The following CMIP variants were observed in gnomAD, a reference collection of about 807,000 sequenced individuals.
CMIP encodes C-Maf-inducing protein.
CMIP carries 13 observed loss-of-function variants against 97.3 expected under a neutral mutation model. The observed-to-expected ratio is 0.13, with a 90% CI of 0.09 to 0.21. The LOEUF (loss-of-function observed/expected upper bound fraction) is 0.21. Ranked by LOEUF, CMIP falls within the 10% of genes least tolerant of loss-of-function variation. The pLI, the probability that CMIP is intolerant of heterozygous loss-of-function variation, is 1.00. For synonymous variants in CMIP, 538 were observed against 436.3 expected, an observed-to-expected ratio of 1.23 and a Z score of -2.91; for missense variants, 847 against 1,024.9, an observed-to-expected ratio of 0.83 and a Z score of 2.37.
intron 5 of CMIP, 50 bp downstream of exon 5, chr16:81,657,866 C>G (rs1321956994): frequency 1.1e-5 from 16 of 1,470,268 alleles, no homozygotes; most frequent in Non-Finnish European, 1.5e-5. Context: ...CCTCCTGGAG[C>G]CTACAACCCT....
At chr16:81,632,595 G>A (rs1292192606) in intron 3 of CMIP, among the ~76,000 whole-genome samples, 2 of 152,214 alleles carry the variant, frequency 1.3e-5, no homozygotes, top group Admixed American at 1.3e-4. Flanking sequence ...TGACAGGAAG[G>A]AGAGGTTTAT....
chr16:81,576,733 C>A lies in CMIP; in HGVS notation c.301-30834C>A, dbSNP rs543464336. Among the ~76,000 whole-genome samples, 300 of 152,262 alleles carry A rather than the reference C, an allele frequency of 2.0e-3. 1 individual carries two copies. Among genetic ancestry groups the A allele is most frequent in the African/African-American group, 6.5e-3 (268 of 41,542 alleles). On this transcript the variant is annotated intron_variant, in intron 1 of 20. Transcript: ENST00000537098. ...AGAACAGTGCTGAAGAACACAGGGT[C>A]TAGAGTTAGGCAGATCCAGGTGTGA...
chr16:81,654,252 A>G (rs572677997), intron 4 of CMIP, among the ~76,000 whole-genome samples: 1 of 151,866 alleles, frequency 6.6e-6, no homozygotes, highest in South Asian at 2.1e-4. Flanking sequence ...TATTATTATT[A>G]TTAACAATGG....
At chr16:81,523,479 A>G (rs1052556065) in intron 1 of CMIP, among the ~76,000 whole-genome samples, 1 of 152,118 alleles carries the variant, frequency 6.6e-6, no homozygotes, top group African/African-American at 2.4e-5. Flanking sequence ...CTCCCAGCAC[A>G]TTTTGGTTGG....
chr16:81,561,739 C>T (rs563120639), intron 1 of CMIP, among the ~76,000 whole-genome samples: 16 of 152,312 alleles, frequency 1.1e-4, no homozygotes, highest in Admixed American at 9.1e-4. Context: ...TCTAAACCTC[C>T]AGTCTAGTAG....
intron 1 of CMIP, among the ~76,000 whole-genome samples, chr16:81,471,568 C>A (rs62043928): frequency 0.071 from 10,718 of 150,434 alleles, 448 homozygotes; most frequent in South Asian, 0.2. Flanking sequence ...CACACACATG[C>A]ATACACAAAT....
intron 1 of CMIP, among the ~76,000 whole-genome samples, chr16:81,558,588 G>GAGACAGCCTGGCTTGGAGTGAGC (rs2090815237): frequency 6.6e-6 from 1 of 152,202 alleles, no homozygotes; most frequent in African/African-American, 2.4e-5. Flanking sequence ...TGCCCAGGTG[G>GAGACAGCCTGGCTTGGAGTGAGC]AGACAGCCTG....
intron 1 of CMIP, among the ~76,000 whole-genome samples, chr16:81,527,553 A>G (rs1290327408): frequency 6.6e-6 from 1 of 152,148 alleles, no homozygotes; most frequent in East Asian, 1.9e-4. Flanking sequence ...TATCAGTTGG[A>G]TTTTGTTTCT....
intron 3 of CMIP, chr16:81,645,860 C>T: frequency 1.8e-6 from 1 of 544,086 alleles, no homozygotes; most frequent in Non-Finnish European, 3.3e-6. Flanking sequence ...GAAATAGTCA[C>T]AGCAAGCCTT....
intron 1 of CMIP, among the ~76,000 whole-genome samples, chr16:81,490,948 A>G (rs1597471489): frequency 6.6e-6 from 1 of 152,072 alleles, no homozygotes; most frequent in South Asian, 2.1e-4. Context: ...GTGTAATGCC[A>G]GTTTTTCTCC....
intron 8 of CMIP, among the ~76,000 whole-genome samples, chr16:81,670,692 C>T (rs1236521286): frequency 6.7e-6 from 1 of 149,230 alleles, no homozygotes; most frequent in African/African-American, 2.5e-5. Flanking sequence ...GTTTCCTCAT[C>T]TGTCACACAA....
At chr16:81,452,652 G>A (rs1048344144) in intron 1 of CMIP, among the ~76,000 whole-genome samples, 4 of 152,122 alleles carry the variant, frequency 2.6e-5, no homozygotes, top group Non-Finnish European at 5.9e-5. Flanking sequence ...CAAAGGCCCT[G>A]AGGGAGGAGA....
intron 1 of CMIP, among the ~76,000 whole-genome samples, chr16:81,448,877 C>G (rs1415298496): frequency 6.6e-6 from 1 of 152,218 alleles, no homozygotes; most frequent in African/African-American, 2.4e-5. Context: ...TGCCCCATTC[C>G]CTCTTTGTAC....
chr16:81,656,099 G>A (rs776255059), intron 4 of CMIP, among the ~76,000 whole-genome samples: 16 of 152,172 alleles, frequency 1.1e-4, no homozygotes, highest in Admixed American at 3.9e-4. Context: ...CCTTTCACAT[G>A]CCTGCATTCT....
rs2092083394 is a variant in CMIP at position 81,627,107 on chromosome 16, G to T, written c.477+6181G>T. ...GTGGTGTGTGGGGGTGACTGTGAGAGTGTGTGTGTGGTGTGTGTGTGGCAT... is the reference window on the plus strand; with the variant it reads ...GTGGTGTGTGGGGGTGACTGTGAGATTGTGTGTGTGGTGTGTGTGTGGCAT... On this transcript the variant is annotated intron_variant, in intron 3 of 20. Coordinates refer to ENST00000537098, the MANE Select transcript of CMIP (RefSeq NM_198390.3). The surrounding 1 kb of genome is among the most constrained non-coding windows in gnomAD (Gnocchi z 4.6). Among the ~76,000 whole-genome samples, 1 of 148,996 alleles carries T rather than the reference G, an allele frequency of 6.7e-6. No individual in the cohort carries two copies. The highest frequency in any genetic ancestry group is 1.5e-5 in the Non-Finnish European group (1 of 67,310).
At chr16:81,706,381 G>A (rs1159411709) in intron 19 of CMIP, among the ~76,000 whole-genome samples, 2 of 152,354 alleles carry the variant, frequency 1.3e-5, no homozygotes, top group African/African-American at 4.8e-5. Context: ...GGCAAATGCT[G>A]GGTGGCTTGG....
intron 18 of CMIP, 57 bp downstream of exon 18, chr16:81,704,142 C>G: frequency 2.0e-6 from 3 of 1,505,480 alleles, no homozygotes; most frequent in Non-Finnish European, 9.0e-7. Flanking sequence ...CCTCTGCACT[C>G]TCCTCCCTAT....
chr16:81,703,740 G>A (rs1349429062), intron 17 of CMIP, 199 bp from the exon 18 acceptor site: 9 of 637,900 alleles, frequency 1.4e-5, no homozygotes, highest in African/African-American at 3.7e-5. Context: ...CATGGGATGC[G>A]TGGCAGCCCC....
At chr16:81,644,960 G>A (rs1014918453) in intron 3 of CMIP, among the ~76,000 whole-genome samples, 3 of 152,182 alleles carry the variant, frequency 2.0e-5, no homozygotes, top group Non-Finnish European at 2.9e-5. Context: ...TCCTGGGCCC[G>A]TGGGGACGTG....
Sources: gnomAD v4.1 joint callset for allele counts (sites outside exome capture counted in the v4.1 genomes callset) on GRCh38, gnomAD v4.1.1 for gene constraint, Gnocchi (gnomAD v3.1) non-coding constraint, MANE v1.5 for transcripts, NCBI Gene and HGNC (gene_info 2026-07-23, HGNC 2026-07-21) for gene names.